GPM6A: variants seen among roughly 807,000 people sequenced by gnomAD.
GPM6A encodes the protein glycoprotein M6A.
Under a neutral mutation model 32.1 loss-of-function variants are expected in GPM6A, and 7 were observed. That is an observed-to-expected ratio of 0.22 (90% confidence interval 0.12 to 0.41). The LOEUF (loss-of-function observed/expected upper bound fraction) is 0.41. Ranked by LOEUF, GPM6A falls within the 10% of genes least tolerant of loss-of-function variation. GPM6A has a pLI of 1.00. For synonymous variants in GPM6A, 130 were observed against 123.4 expected, an observed-to-expected ratio of 1.05 and a Z score of -0.35; for missense variants, 235 against 347.2, an observed-to-expected ratio of 0.68 and a Z score of 2.57.
intron 1 of GPM6A, among the ~76,000 whole-genome samples, chr4:175,920,868 C>T (rs1448363572): frequency 6.6e-6 from 1 of 151,550 alleles, no homozygotes; most frequent in East Asian, 1.9e-4. Context: ...TTTGAATATA[C>T]TCTAAAAGTC....
chr4:175,945,699 T>TATATAA, intron 1 of GPM6A, among the ~76,000 whole-genome samples: 1 of 151,098 alleles, frequency 6.6e-6, no homozygotes, highest in South Asian at 2.1e-4. Flanking sequence ...CTTATATTAC[T>TATATAA]TGTAAGTTAT....
At chr4:175,715,564 G>A (rs1394105909) in intron 1 of GPM6A, among the ~76,000 whole-genome samples, 1 of 152,178 alleles carries the variant, frequency 6.6e-6, no homozygotes, top group Non-Finnish European at 1.5e-5. Flanking sequence ...GGGAGGAAGA[G>A]TTGAAGACTA....
intron 1 of GPM6A, among the ~76,000 whole-genome samples, chr4:175,912,466 C>T (rs1053827266): frequency 2.0e-4 from 31 of 151,976 alleles, no homozygotes; most frequent in African/African-American, 7.2e-4. Context: ...ACCAGCCAGG[C>T]CAACGTGGTG....
chr4:175,829,780 A>C (rs1735554047), intron 1 of GPM6A, among the ~76,000 whole-genome samples: 1 of 149,400 alleles, frequency 6.7e-6, no homozygotes, highest in Non-Finnish European at 1.5e-5. Flanking sequence ...TTTCTTGGAG[A>C]ATCTGGGAAG....
At chr4:175,783,646 T>A (rs1733691749) in intron 1 of GPM6A, among the ~76,000 whole-genome samples, 1 of 151,952 alleles carries the variant, frequency 6.6e-6, no homozygotes, top group African/African-American at 2.4e-5. Flanking sequence ...CATTTAAATG[T>A]TTTATACTTT....
At chr4:175,652,699 A>G (rs1032408239) in intron 3 of GPM6A, among the ~76,000 whole-genome samples, 1 of 152,128 alleles carries the variant, frequency 6.6e-6, no homozygotes, top group Non-Finnish European at 1.5e-5. Context: ...GATAGAATTG[A>G]ATAAAATACT....
At chr4:175,681,426 A>T (rs1203126247) in intron 2 of GPM6A, among the ~76,000 whole-genome samples, 1 of 152,164 alleles carries the variant, frequency 6.6e-6, no homozygotes, top group East Asian at 1.9e-4. Flanking sequence ...CCATTTTACC[A>T]TAAGATTTGT....
chr4:176,000,048 A>G (rs1376544183), intron 1 of GPM6A, among the ~76,000 whole-genome samples: 1 of 151,906 alleles, frequency 6.6e-6, no homozygotes, highest in African/African-American at 2.4e-5. Context: ...TGGACTGCAT[A>G]CTTGAATCTC....
intron 1 of GPM6A, among the ~76,000 whole-genome samples, chr4:175,737,378 A>C (rs1731706225): frequency 6.6e-6 from 1 of 152,016 alleles, no homozygotes; most frequent in Non-Finnish European, 1.5e-5. Flanking sequence ...GTAATCCTGC[A>C]TGCCTGTAAT....
chr4:175,884,732 C>T (rs1737395568), intron 1 of GPM6A, among the ~76,000 whole-genome samples: 1 of 151,882 alleles, frequency 6.6e-6, no homozygotes, highest in African/African-American at 2.4e-5. Context: ...CAGGGTTTCA[C>T]CATGTTGGTC....
rs1422973298 is a variant in GPM6A, at chr4:175,804,869, T to C, written c.37+7322A>G. Among the ~76,000 whole-genome samples the C allele has an allele frequency of 2.0e-5, 3 of 151,640 alleles. No homozygotes were observed. In the East Asian group the frequency reaches 5.8e-4, roughly 30 times the overall value. ...GACCATCCTGGCTAACACAGTGAAA[T>C]GCTGTCTCTACTAAAAACACAAAAA... On this transcript the variant is annotated intron_variant, in intron 1 of 6. Coordinates refer to ENST00000393658, the MANE Select transcript of GPM6A (RefSeq NM_201591.3).
In GPM6A at chr4:175,635,069, G is replaced by T; in HGVS notation, c.685-12C>A. ...ATAAGGTAGTGAACCTAATCAAAGAGAAAAATAATTTATATTGGAAGTTTG... is the reference window on the plus strand; with the variant it reads ...ATAAGGTAGTGAACCTAATCAAAGATAAAAATAATTTATATTGGAAGTTTG... On this transcript the variant is annotated splice_polypyrimidine_tract_variant and intron_variant, in intron 6 of 6. Coordinates refer to ENST00000393658, the MANE Select transcript of GPM6A (RefSeq NM_201591.3). 6.2e-7 allele frequency: 1 copy of T among 1,609,076 alleles called. No homozygotes were observed. The highest frequency in any genetic ancestry group is 1.1e-5 in the South Asian group (1 of 90,788).
chr4:175,817,246 A>T (rs777869214), upstream of GPM6A, among the ~76,000 whole-genome samples: 1 of 152,268 alleles, frequency 6.6e-6, no homozygotes, highest in Non-Finnish European at 1.5e-5. Context: ...CTTCAGAGTT[A>T]CATAATCATA....
At chr4:175,812,136 C>T in intron 1 of GPM6A, 55 bp downstream of exon 1, 2 of 1,360,064 alleles carry the variant, frequency 1.5e-6, no homozygotes, top group African/African-American at 1.5e-5. Flanking sequence ...CTAAAGCAAA[C>T]AAGGAAACTG....
chr4:175,873,232 A>C (rs867423878), intron 1 of GPM6A, among the ~76,000 whole-genome samples: 16 of 152,250 alleles, frequency 1.1e-4, no homozygotes, highest in Non-Finnish European at 8.8e-5. Flanking sequence ...TGTCACACAC[A>C]GGCATTCCTT....
chr4:175,968,024 C>T (rs1318353039), intron 1 of GPM6A, among the ~76,000 whole-genome samples: 1 of 151,948 alleles, frequency 6.6e-6, no homozygotes, highest in African/African-American at 2.4e-5. Context: ...TAAGACTTAC[C>T]ACAAAGTTAT....
At chr4:175,791,420 C>T (rs570556068) in intron 1 of GPM6A, among the ~76,000 whole-genome samples, 2 of 152,266 alleles carry the variant, frequency 1.3e-5, no homozygotes, top group African/African-American at 4.8e-5. Flanking sequence ...AAGTGACTTG[C>T]CATATGCCAC....
chr4:175,664,106 C>A (rs1223143146), intron 3 of GPM6A, among the ~76,000 whole-genome samples: 2 of 152,126 alleles, frequency 1.3e-5, no homozygotes, highest in Non-Finnish European at 2.9e-5. Flanking sequence ...AAGCTATATA[C>A]TACATGATTC....
intron 2 of GPM6A, among the ~76,000 whole-genome samples, chr4:175,684,412 C>A (rs1743860110): frequency 1.3e-5 from 2 of 152,136 alleles, no homozygotes; most frequent in Non-Finnish European, 1.5e-5. Context: ...CTTCTTCTAG[C>A]ATGTGTCCAG....
Sources: gnomAD v4.1 joint callset for allele counts (sites outside exome capture counted in the v4.1 genomes callset) on GRCh38, gnomAD v4.1.1 for gene constraint, MANE v1.5 for transcripts, NCBI Gene and HGNC (gene_info 2026-07-23, HGNC 2026-07-21) for gene names.